GNPTAB: variants seen among roughly 807,000 people sequenced by gnomAD.
GNPTAB encodes N-acetylglucosamine-1-phosphotransferase subunits alpha/beta.
A neutral mutation model predicts 136.6 loss-of-function variants in GNPTAB; 92 were observed. The ratio of observed to expected loss-of-function variants is 0.67; its 90% CI spans 0.57 to 0.80. The LOEUF is 0.80. Ranked by LOEUF, GNPTAB falls within the 30% of genes least tolerant of loss-of-function variation. The pLI is 0.00. For missense variants in GNPTAB, 1,343 were observed against 1,501.8 expected, an observed-to-expected ratio of 0.89 and a Z score of 1.75; for synonymous variants, 512 against 535.1, an observed-to-expected ratio of 0.96 and a Z score of 0.60.
chr12:101,830,332 A>G (rs947328324), intron 1 of GNPTAB, among the ~76,000 whole-genome samples: 1 of 152,192 alleles, frequency 6.6e-6, no homozygotes, highest in African/African-American at 2.4e-5. Flanking sequence ...ATGATAAAGA[A>G]TACTGTATTT....
chr12:101,761,051 T>C (rs903432358), intron 15 of GNPTAB, 76 bp downstream of exon 15: 8 of 1,059,398 alleles, frequency 7.6e-6, no homozygotes, highest in Non-Finnish European at 1.0e-5. Flanking sequence ...GGATTACAGG[T>C]GTGAGCCACT....
chr12:101,822,272 G>C (rs1178801609), intron 1 of GNPTAB, among the ~76,000 whole-genome samples: 9 of 152,172 alleles, frequency 5.9e-5, no homozygotes, highest in Non-Finnish European at 1.3e-4. Context: ...AATTAGCCGG[G>C]TGAGGTGGCG....
chr12:101,825,581 C>A (rs1871046245), intron 1 of GNPTAB, among the ~76,000 whole-genome samples: 1 of 152,158 alleles, frequency 6.6e-6, no homozygotes, highest in African/African-American at 2.4e-5. Context: ...GAGAATAAGA[C>A]AAGGTCCCTA....
chr12:101,757,111 C>G, intron 18 of GNPTAB, 101 bp downstream of exon 18: 1 of 697,400 alleles, frequency 1.4e-6, no homozygotes, highest in South Asian at 1.7e-5. Flanking sequence ...CACTGTTAGG[C>G]CTTTTGGTCT....
chr12:101,759,651 A>G (rs1280978824), intron 16 of GNPTAB, among the ~76,000 whole-genome samples: 1 of 152,178 alleles, frequency 6.6e-6, no homozygotes, highest in Admixed American at 6.5e-5. Context: ...AAATGGAGTA[A>G]GTGCCAGCAT....
chr12:101,821,732 G>A (rs926022207), intron 1 of GNPTAB, among the ~76,000 whole-genome samples: 4 of 152,124 alleles, frequency 2.6e-5, no homozygotes, highest in Admixed American at 6.5e-5. Flanking sequence ...ATTACCAAGA[G>A]AACTCACTAT....
chr12:101,799,824 G>A (rs969578000), intron 1 of GNPTAB, among the ~76,000 whole-genome samples: 2 of 138,770 alleles, frequency 1.4e-5, no homozygotes, highest in East Asian at 2.6e-4. Flanking sequence ...TCTACCTGCC[G>A]CAAAACACAG....
chr12:101,794,447 G>A (rs933691602), intron 2 of GNPTAB, among the ~76,000 whole-genome samples: 3 of 151,840 alleles, frequency 2.0e-5, no homozygotes, highest in Admixed American at 6.6e-5. Context: ...TCAGGAGTTC[G>A]AGACCAGCCT....
At chr12:101,806,496 C>T (rs1869942316) in intron 1 of GNPTAB, among the ~76,000 whole-genome samples, 1 of 152,122 alleles carries the variant, frequency 6.6e-6, no homozygotes, top group South Asian at 2.1e-4. Context: ...GATGATTGCA[C>T]AACTTTGTAT....
intron 1 of GNPTAB, among the ~76,000 whole-genome samples, chr12:101,823,188 T>C (rs748806235): frequency 2.5e-4 from 38 of 152,206 alleles, no homozygotes; most frequent in Non-Finnish European, 4.7e-4. Context: ...ATTCTGAAAC[T>C]ATATCTGGGC....
At chr12:101,783,285 T>C (rs1337490082) in intron 5 of GNPTAB, among the ~76,000 whole-genome samples, 1 of 151,866 alleles carries the variant, frequency 6.6e-6, no homozygotes. Context: ...CACACTAAAA[T>C]AGAATGTTCA....
intron 1 of GNPTAB, among the ~76,000 whole-genome samples, chr12:101,828,236 C>A (rs67155332): frequency 0.21 from 31,429 of 151,968 alleles, 3,346 homozygotes; most frequent in East Asian, 0.25. Flanking sequence ...CTTATTTAAT[C>A]CTCATCAACC....
At chr12:101,763,416 C>G (rs1374964961) in intron 13 of GNPTAB, among the ~76,000 whole-genome samples, 1 of 152,102 alleles carries the variant, frequency 6.6e-6, no homozygotes, top group African/African-American at 2.4e-5. Context: ...CCACTCGTGG[C>G]TGTGTGCCTT....
chr12:101,789,864 T>G (rs1216233082), intron 3 of GNPTAB, 74 bp downstream of exon 3: 331 of 1,344,798 alleles, frequency 2.5e-4, no homozygotes, highest in Non-Finnish European at 3.2e-4. Context: ...TGCTCATATG[T>G]GAGATGTGCC....
intron 1 of GNPTAB, among the ~76,000 whole-genome samples, chr12:101,810,304 G>C (rs1275816818): frequency 1.3e-5 from 2 of 151,698 alleles, no homozygotes; most frequent in African/African-American, 4.8e-5. Flanking sequence ...GAACTATTTA[G>C]GGGAGAGGGA....
chr12:101,794,839 G>A (rs1803936613), intron 2 of GNPTAB, among the ~76,000 whole-genome samples: 1 of 149,988 alleles, frequency 6.7e-6, no homozygotes, highest in East Asian at 2.0e-4. Context: ...GGTCAAGATG[G>A]GAGGATTGCT....
At chr12:101,784,707 T>G (rs889205304) in intron 5 of GNPTAB, among the ~76,000 whole-genome samples, 1 of 148,016 alleles carries the variant, frequency 6.8e-6, no homozygotes, top group Admixed American at 6.7e-5. Context: ...AGTCATAGGA[T>G]GAAGTTAATT....
At chr12:101,807,188 C>G (rs188135432) in intron 1 of GNPTAB, among the ~76,000 whole-genome samples, 1 of 152,080 alleles carries the variant, frequency 6.6e-6, no homozygotes, top group African/African-American at 2.4e-5. Flanking sequence ...AATTGTATGA[C>G]GATACCAATA....
chr12:101,811,998 TC>T (rs1263731346), intron 1 of GNPTAB, among the ~76,000 whole-genome samples: 1 of 145,148 alleles, frequency 6.9e-6, no homozygotes, highest in Non-Finnish European at 1.5e-5. Flanking sequence ...ACACCTGTAA[TC>T]CCAGCACTTT....
Sources: allele counts gnomAD v4.1 joint callset (sites outside exome capture counted in the v4.1 genomes callset), GRCh38; gene constraint gnomAD v4.1.1; transcripts MANE v1.5; gene names NCBI Gene and HGNC (gene_info 2026-07-23, HGNC 2026-07-21).